SSPN: variants seen among roughly 807,000 people sequenced by gnomAD.
SSPN encodes sarcospan.
Under a neutral mutation model 19.1 loss-of-function variants are expected in SSPN, and 15 were observed. The observed-to-expected ratio is 0.78, with a 90% confidence interval of 0.52 to 1.21. SSPN has a LOEUF of 1.21. SSPN is among the 50% of genes most tolerant of loss of function. The pLI, the probability that SSPN is intolerant of heterozygous loss-of-function variation, is 0.00. For synonymous variants in SSPN, 147 were observed against 140.3 expected (o/e 1.05, Z -0.34); for missense variants, 291 against 314.0 (o/e 0.93, Z 0.55).
At position 26,230,876 on chromosome 12, in the gene SSPN, T is replaced by G; in HGVS notation, c.532T>G (p.Tyr178Asp). 6.2e-7 allele frequency: 1 copy of G among 1,614,178 alleles called. No homozygotes were observed. Reference protein sequence around the residue: ...SSEPLSRTFVYRDVTDCTSVT... With the variant: ...SSEPLSRTFVDRDVTDCTSVT... ...GGAGCCGCTCAGCAGGACCTTTGTT[T>G]ACCGGGATGTGACGGACTGTACCAG... The change falls in exon 3 of 3, where the codon TAC (tyrosine) becomes GAC (aspartate). Residue 178 changes from tyrosine to aspartate, a missense_variant. Transcript: ENST00000242729.
chr12:26,186,351 T>G (rs1257967095), intron 1 of SSPN, among the ~76,000 whole-genome samples: 2 of 152,234 alleles, frequency 1.3e-5, no homozygotes, highest in Non-Finnish European at 2.9e-5. Flanking sequence ...TTTCCAGGTA[T>G]AATTAAATAG....
At position 26,150,125 on chromosome 12, in the gene SSPN, T is replaced by C. The variant is rs970978949; in HGVS notation, c.-31+27973T>C. 2.0e-5 allele frequency among the ~76,000 whole-genome samples: 3 copies of C among 152,140 alleles called. No homozygotes were observed. In the East Asian group the frequency reaches 5.8e-4, roughly 29 times the overall value. On this transcript the variant is annotated intron_variant, in intron 1 of 2. Coordinates refer to the SSPN transcript ENST00000538142. ...ATGGTTTATAGCTTCTTGTTGATTG[T>C]GTCAGGAAGTGCTCAAGGCCAAGCC...
intron 1 of SSPN, among the ~76,000 whole-genome samples, chr12:26,178,359 G>T (rs1187003750): frequency 6.6e-6 from 1 of 152,136 alleles, no homozygotes; most frequent in Non-Finnish European, 1.5e-5. Flanking sequence ...GTGTGTGTGT[G>T]TGTGTATGTG....
chr12:26,182,625 T>TTCCCG (rs1944726844), intron 1 of SSPN, among the ~76,000 whole-genome samples: 1 of 114,920 alleles, frequency 8.7e-6, no homozygotes, highest in Admixed American at 1.0e-4. Context: ...TTCCCTTCCC[T>TTCCCG]TCCCTTCCCT....
intron 1 of SSPN, among the ~76,000 whole-genome samples, chr12:26,176,799 C>G (rs1036252826): frequency 1.3e-5 from 2 of 152,172 alleles, no homozygotes; most frequent in Non-Finnish European, 2.9e-5. Flanking sequence ...CAATTCTACC[C>G]CCATTTCAAG....
intron 1 of SSPN, among the ~76,000 whole-genome samples, chr12:26,128,773 A>G (rs1944380936): frequency 6.6e-6 from 1 of 152,202 alleles, no homozygotes. Context: ...GCTTTCAATT[A>G]AAGATATCCA....
intron 1 of SSPN, among the ~76,000 whole-genome samples, chr12:26,135,512 G>A (rs993529178): frequency 6.6e-6 from 1 of 152,118 alleles, no homozygotes; most frequent in Non-Finnish European, 1.5e-5. Context: ...TGGAGGATGC[G>A]CTACGAATGT....
chr12:26,214,461 A>G (rs1945025418), intron 1 of SSPN, among the ~76,000 whole-genome samples: 1 of 152,218 alleles, frequency 6.6e-6, no homozygotes, highest in African/African-American at 2.4e-5. Context: ...CTATGTGACC[A>G]TGACATTATT....
intron 1 of SSPN, chr12:26,122,517 C>G (rs992455093): frequency 1.2e-5 from 15 of 1,288,320 alleles, no homozygotes; most frequent in Non-Finnish European, 1.5e-5. Flanking sequence ...GGGCGCGCCT[C>G]CGCCTCCGCC....
chr12:26,127,685 A>G (rs1231158508), intron 1 of SSPN, among the ~76,000 whole-genome samples: 3 of 151,836 alleles, frequency 2.0e-5, no homozygotes, highest in Non-Finnish European at 4.4e-5. Context: ...TCCCTGTTAA[A>G]TGCCAGCTTT....
intron 1 of SSPN, chr12:26,124,311 T>C: frequency 3.4e-6 from 2 of 580,706 alleles, no homozygotes; most frequent in South Asian, 1.6e-5. Context: ...CCAAGAAACC[T>C]CTTTCCTCTG....
intron 1 of SSPN, among the ~76,000 whole-genome samples, chr12:26,200,334 A>G (rs757517188): frequency 3.9e-5 from 6 of 152,234 alleles, no homozygotes; most frequent in South Asian, 2.1e-4. Context: ...CAAAAATTTC[A>G]GTAACAGTTT....
intron 1 of SSPN, among the ~76,000 whole-genome samples, chr12:26,166,897 G>C (rs1457636902): frequency 1.3e-5 from 2 of 152,242 alleles, no homozygotes; most frequent in Non-Finnish European, 2.9e-5. Flanking sequence ...TATGGCGAAA[G>C]AGTGTAAATG....
At chr12:26,122,236 C>A in intron 1 of SSPN, 1 of 1,284,590 alleles carries the variant, frequency 7.8e-7, no homozygotes. Context: ...GCGGCGGCGC[C>A]CGCCTTCTCG....
Position 26,171,088 on chromosome 12 carries a change from C to T in SSPN, c.-31+48936C>T, listed in dbSNP as rs536162229. Among the ~76,000 whole-genome samples, 60 of 152,254 alleles carry T rather than the reference C, an allele frequency of 3.9e-4. No individual in the cohort carries two copies. In the Middle Eastern group the frequency reaches 0.014, roughly 35 times the overall value. On this transcript the variant is annotated intron_variant, in intron 1 of 2. Transcript: ENST00000538142. ...CCCTTCCCTTTAACAGGGTTCTTTG[C>T]CTCCCTCTGCTATTTTGGGATGATG...
At chr12:26,132,621 A>G (rs1365461161) in intron 1 of SSPN, among the ~76,000 whole-genome samples, 2 of 152,106 alleles carry the variant, frequency 1.3e-5, no homozygotes, top group Admixed American at 1.3e-4. Context: ...GGCCTTCATT[A>G]TATCTACCTC....
intron 1 of SSPN, among the ~76,000 whole-genome samples, chr12:26,137,657 T>TG (rs35203550): frequency 3.1e-5 from 1 of 32,176 alleles, no homozygotes; most frequent in Non-Finnish European, 5.0e-5. Context: ...TATATATATA[T>TG]TTTTTTTTTT....
At chr12:26,137,656 A>ATATATATTTTT (rs1377562695) in intron 1 of SSPN, among the ~76,000 whole-genome samples, 1 of 76,434 alleles carries the variant, frequency 1.3e-5, no homozygotes, top group African/African-American at 6.6e-5. Flanking sequence ...ATATATATAT[A>ATATATATTTTT]TTTTTTTTTT....
chr12:26,225,292 T>C (rs1420230579), intron 2 of SSPN, among the ~76,000 whole-genome samples: 1 of 152,134 alleles, frequency 6.6e-6, no homozygotes, highest in African/African-American at 2.4e-5. Flanking sequence ...GATTCCAGTA[T>C]AATTGAAGCT....
Sources: allele counts gnomAD v4.1 joint callset (sites outside exome capture counted in the v4.1 genomes callset), GRCh38; gene constraint gnomAD v4.1.1; transcripts MANE v1.5; gene names NCBI Gene and HGNC (gene_info 2026-07-23, HGNC 2026-07-21).